The following TMEM170A variants were observed in gnomAD, a reference collection of about 807,000 sequenced individuals.
TMEM170A encodes transmembrane protein 170A.
Under a neutral mutation model 12.8 loss-of-function variants are expected in TMEM170A, and 18 were observed. The observed-to-expected ratio is 1.41, with a 90% confidence interval of 0.97 to 2.09. The LOEUF is 2.09. Ranked by LOEUF, TMEM170A falls within the 30% of genes most tolerant of loss-of-function variation. TMEM170A has a pLI of 0.00. For synonymous variants in TMEM170A, 107 were observed against 76.2 expected, an observed-to-expected ratio of 1.40 and a Z score of -2.11; for missense variants, 220 against 179.9, an observed-to-expected ratio of 1.22 and a Z score of -1.28.
chr16:75,456,406 G>A (rs916957941), intron 1 of TMEM170A, among the ~76,000 whole-genome samples: 5 of 152,076 alleles, frequency 3.3e-5, no homozygotes, highest in East Asian at 1.9e-4. Flanking sequence ...AGGCCAACAC[G>A]GCGAAACCGT....
At chr16:75,459,244 G>C (rs1434669748) in intron 1 of TMEM170A, among the ~76,000 whole-genome samples, 1 of 152,182 alleles carries the variant, frequency 6.6e-6, no homozygotes, top group Admixed American at 6.5e-5. Flanking sequence ...TGCAGTGAAA[G>C]AACAGACACA....
chr16:75,463,913 GGA>G (rs2079949586), intron 1 of TMEM170A, among the ~76,000 whole-genome samples: 1 of 152,244 alleles, frequency 6.6e-6, no homozygotes, highest in Non-Finnish European at 1.5e-5. Flanking sequence ...ACCAGGTCTG[GGA>G]AAGATTCCTA....
intron 2 of TMEM170A, among the ~76,000 whole-genome samples, chr16:75,451,017 G>GAGTGGA (rs2079671527): frequency 2.6e-5 from 4 of 152,124 alleles, no homozygotes; most frequent in Admixed American, 2.6e-4. Flanking sequence ...ACACCCACAT[G>GAGTGGA]AGTGGAAGTA....
chr16:75,457,409 G>A (rs1396281963), intron 1 of TMEM170A, among the ~76,000 whole-genome samples: 2 of 152,150 alleles, frequency 1.3e-5, no homozygotes, highest in East Asian at 3.8e-4. Context: ...GTGGTCTTAG[G>A]AGAGGAAGAG....
At chr16:75,462,071 G>A (rs1022657974) in intron 1 of TMEM170A, among the ~76,000 whole-genome samples, 28 of 152,282 alleles carry the variant, frequency 1.8e-4, no homozygotes, top group African/African-American at 6.7e-4. Context: ...CCTTACAGTA[G>A]AGAGTTCTGA....
intron 1 of TMEM170A, among the ~76,000 whole-genome samples, chr16:75,454,736 G>T (rs1201664963): frequency 6.6e-6 from 1 of 152,210 alleles, no homozygotes; most frequent in Non-Finnish European, 1.5e-5. Context: ...AAGATCTAAA[G>T]TGCCAGTATA....
At chr16:75,464,263 G>T (rs1276826642) in intron 1 of TMEM170A, 2 of 1,496,476 alleles carry the variant, frequency 1.3e-6, no homozygotes, top group African/African-American at 1.5e-5. Flanking sequence ...CACGCCCAGC[G>T]GGACTCCGGG....
intron 1 of TMEM170A, among the ~76,000 whole-genome samples, chr16:75,462,564 T>C (rs946369202): frequency 2.6e-5 from 4 of 152,224 alleles, no homozygotes; most frequent in East Asian, 1.9e-4. Context: ...CCTAGGTAGG[T>C]AGCGTTCTGA....
intron 1 of TMEM170A, among the ~76,000 whole-genome samples, chr16:75,463,913 G>C (rs998396401): frequency 7.2e-5 from 11 of 152,244 alleles, no homozygotes; most frequent in Non-Finnish European, 1.2e-4. Flanking sequence ...ACCAGGTCTG[G>C]GAAAGATTCC....
intron 1 of TMEM170A, among the ~76,000 whole-genome samples, chr16:75,460,269 T>C (rs1005619336): frequency 1.3e-5 from 2 of 152,042 alleles, no homozygotes; most frequent in Admixed American, 6.6e-5. Flanking sequence ...CTCAAATTAA[T>C]TGTGATAGTT....
At chr16:75,460,348 T>C (rs1266007108) in intron 1 of TMEM170A, among the ~76,000 whole-genome samples, 10 of 152,136 alleles carry the variant, frequency 6.6e-5, no homozygotes, top group Non-Finnish European at 1.3e-4. Flanking sequence ...AATCATCCCA[T>C]CTCTGTTCAA....
rs1343474333 is a variant in TMEM170A, at chr16:75,444,347, TC to T, written c.*3210del. The T allele has an allele frequency of 6.6e-6, 1 of 151,448 alleles. No individual in the cohort carries two copies. The highest frequency in any genetic ancestry group is 2.0e-4 in the East Asian group (1 of 5,116). The allele number at this position is 151,448 out of a possible 1,614,324, so 9.4% of individuals were successfully genotyped here. On this transcript the variant is annotated 3_prime_UTR_variant, in exon 3 of 3. Transcript: ENST00000561878. ...GGTGGACGTCCGTAGTCCCAGCTAC[TC>T]GGGAGGCTGAGGCAGGAGAATGGCG... is the stretch of plus-strand genomic sequence containing the variant.
intron 2 of TMEM170A, chr16:75,451,446 G>A: frequency 1.7e-6 from 1 of 604,350 alleles, no homozygotes; most frequent in Non-Finnish European, 2.9e-6. Context: ...CTTCTTGGGA[G>A]GCTGATGGAG....
At position 75,447,301 on chromosome 16, in the gene TMEM170A, T is replaced by G. The variant is rs2079603902; in HGVS notation, c.*257A>C. 3.6e-6 allele frequency: 1 copy of G among 276,150 alleles called. No individual in the cohort carries two copies. The highest frequency in any genetic ancestry group is 1.1e-3 in the Middle Eastern group (1 of 918). The allele number at this position is 276,150 out of a possible 1,614,324, so 17.1% of individuals were successfully genotyped here. ...GACTTGGCTTGGGTAAAGGTACACA[T>G]GAAAACTGCTTAAATCAAATATCTA... On this transcript the variant is annotated 3_prime_UTR_variant, in exon 3 of 3. Coordinates refer to ENST00000561878, the MANE Select transcript of TMEM170A (RefSeq NM_145254.3).
rs2079534841 is a variant in TMEM170A, at chr16:75,443,563, C to A, written c.*3995G>T. 1 of 151,732 alleles carries A rather than the reference C, an allele frequency of 6.6e-6. No homozygotes were observed. The highest frequency in any genetic ancestry group is 1.5e-5 in the Non-Finnish European group (1 of 67,962). The allele number at this position is 151,732 out of a possible 1,614,324, so 9.4% of individuals were successfully genotyped here. A position where few individuals can be genotyped will look rare whatever the true frequency, so the allele number is the denominator to read the frequency against. On this transcript the variant is annotated 3_prime_UTR_variant, in exon 3 of 3. Transcript: ENST00000561878. ...AGGAACTTAATTCAAACCAGAGCAA[C>A]CAGAAAGGATACTGGAGGCAAAAGC...
chr16:75,459,337 G>A (rs2079859813), intron 1 of TMEM170A, among the ~76,000 whole-genome samples: 1 of 152,202 alleles, frequency 6.6e-6, no homozygotes, highest in Admixed American at 6.5e-5. Flanking sequence ...CTCCACAGCA[G>A]AGTCACCTAA....
rs553488421 is a variant in TMEM170A, at chr16:75,444,797, G to A, written c.*2761C>T. On this transcript the variant is annotated 3_prime_UTR_variant, in exon 3 of 3. Transcript: ENST00000561878. ...AGTAATTTGAAGATACCTTTTATAC[G>A]TTTAGTTTTTTAAAAGAGTAGATAA... The A allele has an allele frequency of 2.6e-5, 4 of 152,114 alleles. No homozygotes were observed. Among genetic ancestry groups the A allele is most frequent in the Admixed American group, 2.0e-4 (3 of 15,272 alleles). 9.4% of individuals were successfully genotyped at this position (152,114 alleles called of 1,614,324 possible). A position where few individuals can be genotyped will look rare whatever the true frequency, so the allele number is the denominator to read the frequency against.
At chr16:75,464,717 A>T (rs1160975092), upstream of TMEM170A, 5 of 1,359,336 alleles carry the variant, frequency 3.7e-6, no homozygotes, top group Admixed American at 6.8e-5. Context: ...TCTTCCCCCA[A>T]TCCCAACGGC....
intron 2 of TMEM170A, chr16:75,451,420 AC>A: frequency 3.5e-6 from 2 of 569,442 alleles, no homozygotes; most frequent in Non-Finnish European, 6.2e-6. Context: ...ATGGTGGCAC[AC>A]CCCTGTAGTC....
Sources: allele counts gnomAD v4.1 joint callset (sites outside exome capture counted in the v4.1 genomes callset), GRCh38; gene constraint gnomAD v4.1.1; transcripts MANE v1.5; gene names NCBI Gene and HGNC (gene_info 2026-07-23, HGNC 2026-07-21).